Variants in RAB3IL1 observed in about 807,000 individuals in gnomAD.
RAB3IL1 encodes guanine nucleotide exchange factor for Rab-3A.
A neutral mutation model predicts 49.2 loss-of-function variants in RAB3IL1; 37 were observed. That is an observed-to-expected ratio of 0.75 (90% CI 0.58 to 0.99). The LOEUF is 0.99. RAB3IL1 is among the 50% of genes least tolerant of loss of function. The pLI is 0.00. For missense variants in RAB3IL1, 484 were observed against 513.0 expected, an observed-to-expected ratio of 0.94 and a Z score of 0.55; for synonymous variants, 193 against 213.9, an observed-to-expected ratio of 0.90 and a Z score of 0.85.
upstream of RAB3IL1, chr11:61,920,337 AGG>A (rs757942744): frequency 1.9e-6 from 2 of 1,078,822 alleles, no homozygotes; most frequent in Non-Finnish European, 2.4e-6. Context: ...ACCACCTCCC[AGG>A]ACAGCCGCTA....
At chr11:61,916,076 T>C (rs1204689900) in intron 1 of RAB3IL1, among the ~76,000 whole-genome samples, 1 of 143,644 alleles carries the variant, frequency 7.0e-6, no homozygotes, top group African/African-American at 2.6e-5. Context: ...CAGGGCGTGG[T>C]GGTAAAAGCC....
At chr11:61,903,103 A>T (rs911067125) in intron 7 of RAB3IL1, among the ~76,000 whole-genome samples, 1 of 151,774 alleles carries the variant, frequency 6.6e-6, no homozygotes, top group African/African-American at 2.4e-5. Context: ...AGCCACCCAC[A>T]TGAAGGGTCT....
chr11:61,923,206 T>C (rs1215164686), upstream of RAB3IL1, among the ~76,000 whole-genome samples: 1 of 152,152 alleles, frequency 6.6e-6, no homozygotes, highest in East Asian at 1.9e-4. Context: ...TGTAACTTCT[T>C]AGAAAAAAGG....
the RAB3IL1 span, among the ~76,000 whole-genome samples, chr11:61,940,950 C>G: frequency 6.6e-6 from 1 of 151,504 alleles, no homozygotes; most frequent in African/African-American, 2.4e-5. Context: ...TAGCCAGGCA[C>G]TGTGGCACGT....
At chr11:61,934,726 A>G in the RAB3IL1 span, among the ~76,000 whole-genome samples, 1 of 151,634 alleles carries the variant, frequency 6.6e-6, no homozygotes, top group Non-Finnish European at 1.5e-5. Context: ...CACAGTTGTA[A>G]ATTGCCTGGC....
At chr11:61,911,120 G>A (rs1939436469) in intron 1 of RAB3IL1, among the ~76,000 whole-genome samples, 1 of 152,214 alleles carries the variant, frequency 6.6e-6, no homozygotes, top group African/African-American at 2.4e-5. Context: ...GTGGGGCAGA[G>A]TGGGGACAGG....
At chr11:61,922,549 A>C (rs542544948), upstream of RAB3IL1, among the ~76,000 whole-genome samples, 1 of 152,154 alleles carries the variant, frequency 6.6e-6, no homozygotes, top group Admixed American at 6.5e-5. Flanking sequence ...AGAAGAAGAT[A>C]ACATTTGTGA....
chr11:61,898,843 C>CA lies in RAB3IL1; in HGVS notation c.1066+470dup, dbSNP rs1263709581. The CA allele has an allele frequency of 6.4e-6, 3 of 468,230 alleles. No individual in the cohort carries two copies. Among genetic ancestry groups the CA allele is most frequent in the African/African-American group, 5.9e-5 (3 of 50,736 alleles). The allele number at this position is 468,230 out of a possible 1,614,324, so 29.0% of individuals were successfully genotyped here. A position where few individuals can be genotyped will look rare whatever the true frequency, so the allele number is the denominator to read the frequency against. ...GATGGAGAGGAGATAGCTCCTTACT[C>CA]AGAGGGTCGGGCCAGACTGGTTCAG... On this transcript the variant is annotated intron_variant, in intron 9 of 9. Coordinates refer to ENST00000394836, the MANE Select transcript of RAB3IL1 (RefSeq NM_013401.4). This position sits in a 1 kb window ranked among gnomAD's most constrained non-coding sequence, Gnocchi z 5.1.
chr11:61,909,198 G>C (rs1466259451), intron 1 of RAB3IL1, among the ~76,000 whole-genome samples: 2 of 152,212 alleles, frequency 1.3e-5, no homozygotes, highest in African/African-American at 2.4e-5. Flanking sequence ...GCTGGGGATG[G>C]GGGGCTGGGC....
At chr11:61,936,438 G>A in the RAB3IL1 span, among the ~76,000 whole-genome samples, 1 of 152,172 alleles carries the variant, frequency 6.6e-6, no homozygotes, top group Non-Finnish European at 1.5e-5. Flanking sequence ...ATCTCACTTT[G>A]TTGCCCAGGC....
the RAB3IL1 span, among the ~76,000 whole-genome samples, chr11:61,940,746 C>T: frequency 6.6e-5 from 10 of 152,182 alleles, no homozygotes; most frequent in South Asian, 2.1e-3. Context: ...ATGGTGAATC[C>T]TTGTCTCTAC....
intron 1 of RAB3IL1, among the ~76,000 whole-genome samples, chr11:61,915,787 C>T (rs946150979): frequency 1.3e-5 from 2 of 152,158 alleles, no homozygotes; most frequent in Non-Finnish European, 2.9e-5. Context: ...CCTGTAATCC[C>T]AGCACTTTGG....
rs1469602630 is a variant in RAB3IL1, at chr11:61,904,816, G to A, written c.724C>T (p.Pro242Ser). Residue 242 changes from proline (P) to serine (S), a missense_variant, in exon 6 of 10, where the codon CCC (proline) becomes TCC (serine). Pro to Ser is a moderately conservative substitution (Grantham distance 74). Transcript: ENST00000394836. ...TCTCGGTACACCCTTTCCAGGAAGGGGCAGGTCTTGTCCAGGGTGGGGGAT... is the reference window on the plus strand; with the variant it reads ...TCTCGGTACACCCTTTCCAGGAAGGAGCAGGTCTTGTCCAGGGTGGGGGAT... ...RESPTLDKTCPFLERVYREDV... is the reference protein window; with the variant it reads ...RESPTLDKTCSFLERVYREDV... 3 of 1,611,678 alleles carry A rather than the reference G, an allele frequency of 1.9e-6. No individual in the cohort carries two copies. The highest frequency in any genetic ancestry group is 2.2e-5 in the East Asian group (1 of 44,846).
intron 7 of RAB3IL1, among the ~76,000 whole-genome samples, chr11:61,903,527 CTT>C (rs531045299): frequency 1.8e-4 from 26 of 144,570 alleles, no homozygotes; most frequent in Non-Finnish European, 1.7e-4. Context: ...CTATTGATGA[CTT>C]TTTTTTTTTT....
At position 61,902,453 on chromosome 11, in the gene RAB3IL1, A is replaced by C; in HGVS notation, c.988T>G (p.Ser330Ala). The C allele has an allele frequency of 6.3e-7, 1 of 1,593,872 alleles. No homozygotes were observed. The highest frequency in any genetic ancestry group is 8.5e-7 in the Non-Finnish European group (1 of 1,172,188). The change falls in exon 8 of 10, where the codon TCC (serine) becomes GCC (alanine). Residue 330 changes from serine (S) to alanine (A), a missense_variant. Ser to Ala is a moderately conservative substitution (Grantham distance 99). Coordinates refer to ENST00000394836, the MANE Select transcript of RAB3IL1 (RefSeq NM_013401.4). ...SKSHYYISPS[S>A]RARITAVCNF... The stretch of plus-strand genomic sequence containing the variant: ...AAAGGCTGACTCACCCTGGCCCGGG[A>C]AGATGGCGAGATGTAGTAATGGCTT...
intron 4 of RAB3IL1, among the ~76,000 whole-genome samples, chr11:61,907,152 C>T (rs1747921229): frequency 6.6e-6 from 1 of 152,244 alleles, no homozygotes; most frequent in South Asian, 2.1e-4. Context: ...CTCCCAGCCC[C>T]AGCACTATCC....
At position 61,904,893 on chromosome 11, in the gene RAB3IL1, G is replaced by A. The variant is rs754599510; in HGVS notation, c.658-11C>T. On this transcript the variant is annotated splice_polypyrimidine_tract_variant and intron_variant, in intron 5 of 9. Coordinates refer to ENST00000394836, the MANE Select transcript of RAB3IL1 (RefSeq NM_013401.4). ...CAGGATTGTGTCCACCTGTGGGGGA[G>A]GGCAAGCGAGGGTGGGGGCGGTCAG... The A allele has an allele frequency of 2.3e-5, 36 of 1,574,466 alleles. No individual in the cohort carries two copies. The highest frequency in any genetic ancestry group is 1.7e-4 in the Middle Eastern group (1 of 5,724).
At chr11:61,900,288 G>A (rs1938838556) in intron 8 of RAB3IL1, among the ~76,000 whole-genome samples, 1 of 152,250 alleles carries the variant, frequency 6.6e-6, no homozygotes. Context: ...GTGAGGCTCT[G>A]CCTCTTCGGA....
chr11:61,926,104 C>CAAAAGA, the RAB3IL1 span, among the ~76,000 whole-genome samples: 1 of 64,064 alleles, frequency 1.6e-5, no homozygotes, highest in Non-Finnish European at 3.0e-5. Context: ...TCCTTCCTGC[C>CAAAAGA]AAAAAAAAAA....
Sources: allele counts gnomAD v4.1 joint callset (sites outside exome capture counted in the v4.1 genomes callset), GRCh38; gene constraint gnomAD v4.1.1; non-coding constraint Gnocchi (gnomAD v3.1); transcripts MANE v1.5; gene names NCBI Gene and HGNC (gene_info 2026-07-23, HGNC 2026-07-21).